OR1L8: variants seen among roughly 807,000 people sequenced by gnomAD.
OR1L8 encodes olfactory receptor 1L8.
For synonymous variants in OR1L8, 148 were observed against 147.0 expected (o/e 1.01, Z -0.05); for missense variants, 330 against 377.4 (o/e 0.87, Z 1.04).
intron 3 of OR1L8, among the ~76,000 whole-genome samples, chr9:122,573,676 T>A (rs1011769661): frequency 6.6e-6 from 1 of 152,256 alleles, no homozygotes; most frequent in African/African-American, 2.4e-5. Context: ...GCAAATATTT[T>A]CTCCCAGTAT....
the OR1L8 span, chr9:122,554,058 G>T: frequency 2.5e-6 from 4 of 1,613,528 alleles, no homozygotes; most frequent in African/African-American, 5.3e-5. Flanking sequence ...TCTCTATATG[G>T]TGATTATTCC....
In OR1L8 at chr9:122,576,800, G is replaced by A. The variant is rs533096383; in HGVS notation, c.-376C>T. The A allele has an allele frequency of 1.3e-5, 2 of 152,246 alleles. No individual in the cohort carries two copies. Among genetic ancestry groups the A allele is most frequent in the East Asian group, 1.9e-4 (1 of 5,174 alleles). The allele number at this position is 152,246 out of a possible 1,614,324, so 9.4% of individuals were successfully genotyped here. A position where few individuals can be genotyped will look rare whatever the true frequency, so the allele number is the denominator to read the frequency against. On this transcript the variant is annotated 5_prime_UTR_variant, in exon 3 of 5. Coordinates refer to ENST00000641027, the MANE Select transcript of OR1L8 (RefSeq NM_001004454.2). ...GATTCCTGCAGAGGCTTCTGTTTGT[G>A]GGTTTCTGCTCCAGTAAGCTGTGAT...
chr9:122,576,223 A>AT (rs376940229), intron 3 of OR1L8, among the ~76,000 whole-genome samples: 12 of 150,628 alleles, frequency 8.0e-5, no homozygotes, highest in Admixed American at 2.0e-4. Flanking sequence ...TCTTTTTTAC[A>AT]TTTTTTTTTA....
chr9:122,563,825 A>G (rs372098040), downstream of OR1L8, among the ~76,000 whole-genome samples: 14 of 152,228 alleles, frequency 9.2e-5, no homozygotes, highest in African/African-American at 3.4e-4. Flanking sequence ...ATTCTTTTGC[A>G]TACACATATT....
chr9:122,573,570 G>C (rs946343085), intron 3 of OR1L8, among the ~76,000 whole-genome samples: 2 of 152,070 alleles, frequency 1.3e-5, no homozygotes, highest in Admixed American at 6.5e-5. Flanking sequence ...TAAGACCTTT[G>C]GCCCGTTTTT....
chr9:122,552,016 TTTGGAAGGGG>T, the OR1L8 span, among the ~76,000 whole-genome samples: 1 of 94,610 alleles, frequency 1.1e-5, no homozygotes, highest in Admixed American at 1.0e-4. Flanking sequence ...CAGGTGAGGA[TTTGGAAGGGG>T]TAGGACACAT....
chr9:122,573,574 C>T (rs943337382), intron 3 of OR1L8, among the ~76,000 whole-genome samples: 2 of 151,978 alleles, frequency 1.3e-5, no homozygotes, highest in African/African-American at 2.4e-5. Context: ...ACCTTTGGCC[C>T]GTTTTTAATT....
the OR1L8 span, among the ~76,000 whole-genome samples, chr9:122,552,023 G>A: frequency 1.1e-5 from 1 of 93,866 alleles, no homozygotes; most frequent in Admixed American, 1.0e-4. Flanking sequence ...GGATTTGGAA[G>A]GGGTAGGACA....
At chr9:122,574,768 G>C (rs564155447) in intron 3 of OR1L8, among the ~76,000 whole-genome samples, 1 of 152,190 alleles carries the variant, frequency 6.6e-6, no homozygotes, top group East Asian at 1.9e-4. Flanking sequence ...TCTTGTTCCT[G>C]AATGTAATGG....
At chr9:122,556,884 A>G in the OR1L8 span, among the ~76,000 whole-genome samples, 4 of 151,986 alleles carry the variant, frequency 2.6e-5, no homozygotes, top group African/African-American at 4.8e-5. Flanking sequence ...ATACATGAAC[A>G]TGGAATATCT....
intron 3 of OR1L8, among the ~76,000 whole-genome samples, chr9:122,576,038 T>A (rs1014284094): frequency 1.3e-5 from 2 of 152,200 alleles, no homozygotes; most frequent in Non-Finnish European, 2.9e-5. Flanking sequence ...CCTCCAGGTA[T>A]ATCTGTGTTG....
chr9:122,546,278 C>T, the OR1L8 span, among the ~76,000 whole-genome samples: 8 of 152,206 alleles, frequency 5.3e-5, no homozygotes, highest in Middle Eastern at 3.4e-3. Context: ...AAATTAAAGA[C>T]GACCAACAAT....
chr9:122,548,008 T>G, the OR1L8 span, among the ~76,000 whole-genome samples: 1 of 152,192 alleles, frequency 6.6e-6, no homozygotes, highest in South Asian at 2.1e-4. Flanking sequence ...TGATATCTCA[T>G]TGTGGTTTTA....
chr9:122,553,217 A>G, the OR1L8 span: 1 of 1,613,578 alleles, frequency 6.2e-7, no homozygotes, highest in Non-Finnish European at 8.5e-7. Context: ...AAGGGATGGG[A>G]AAACCAGGCA....
rs1829482253 is a variant in OR1L8, at chr9:122,568,556, G to C, written c.-79C>G. ...TCATAACACCAATCATGAGAACCTAGCAAGTCTTTGTTTCTTCTGTTTGGT... is the reference window on the plus strand; with the variant it reads ...TCATAACACCAATCATGAGAACCTACCAAGTCTTTGTTTCTTCTGTTTGGT... On this transcript the variant is annotated 5_prime_UTR_variant, in exon 5 of 5. Transcript: ENST00000641027. 3 of 836,416 alleles carry C rather than the reference G, an allele frequency of 3.6e-6. No individual in the cohort carries two copies. The highest frequency in any genetic ancestry group is 5.6e-6 in the Non-Finnish European group (3 of 531,488). 51.8% of individuals were successfully genotyped at this position (836,416 alleles called of 1,614,324 possible).
the OR1L8 span, among the ~76,000 whole-genome samples, chr9:122,557,782 T>C: frequency 4.6e-5 from 7 of 152,032 alleles, no homozygotes; most frequent in Admixed American, 4.6e-4. Flanking sequence ...TTGCAGAGAA[T>C]TGGCATACAT....
the OR1L8 span, among the ~76,000 whole-genome samples, chr9:122,551,292 T>G: frequency 6.6e-6 from 1 of 151,958 alleles, no homozygotes; most frequent in East Asian, 1.9e-4. Context: ...GGGATTCCAC[T>G]CTCTCCACTT....
the OR1L8 span, chr9:122,554,288 TAAAA>T: frequency 7.5e-5 from 41 of 547,604 alleles, no homozygotes; most frequent in East Asian, 1.8e-4. Context: ...GTTAGGGATG[TAAAA>T]AAAAAAAAAA....
At chr9:122,570,185 G>T (rs933077794) in intron 4 of OR1L8, among the ~76,000 whole-genome samples, 6 of 149,788 alleles carry the variant, frequency 4.0e-5, no homozygotes, top group Non-Finnish European at 7.4e-5. Context: ...AGTCCTTTGG[G>T]TATATACCCA....
Sources: allele counts gnomAD v4.1 joint callset (sites outside exome capture counted in the v4.1 genomes callset), GRCh38; gene constraint gnomAD v4.1.1; transcripts MANE v1.5; gene names NCBI Gene and HGNC (gene_info 2026-07-23, HGNC 2026-07-21).